Variants in PCDHGA7 observed in about 807,000 individuals in gnomAD.
The protein encoded by PCDHGA7 is protocadherin gamma subfamily A, 7.
In PCDHGA7, 44 loss-of-function variants were observed where a neutral mutation model predicts 58.3. The observed-to-expected ratio is 0.75, with a 90% CI of 0.59 to 0.97. PCDHGA7 has a LOEUF of 0.97. Ranked by LOEUF, PCDHGA7 falls within the 50% of genes least tolerant of loss-of-function variation. The probability of loss-of-function intolerance (pLI) is 0.00; values close to 1 mark genes in which losing one functional copy is unlikely to be tolerated. For synonymous variants in PCDHGA7, 516 were observed against 504.2 expected, an observed-to-expected ratio of 1.02 and a Z score of -0.31; for missense variants, 1,266 against 1,188.7, an observed-to-expected ratio of 1.06 and a Z score of -0.96.
chr5:141,510,795 G>T (rs994874330), intron 3 of PCDHGA7, 152 bp from the exon 4 acceptor site: 6 of 1,465,214 alleles, frequency 4.1e-6, no homozygotes. Flanking sequence ...CTTGTGAAGA[G>T]AGACTACCTT....
At chr5:141,449,380 G>C (rs1011160817) in intron 1 of PCDHGA7, among the ~76,000 whole-genome samples, 3 of 151,950 alleles carry the variant, frequency 2.0e-5, no homozygotes, top group African/African-American at 7.3e-5. Flanking sequence ...GCTGAGGCAG[G>C]TGGATTACTT....
chr5:141,500,986 A>G (rs1223940696), intron 2 of PCDHGA7, among the ~76,000 whole-genome samples: 1 of 151,656 alleles, frequency 6.6e-6, no homozygotes, highest in East Asian at 1.9e-4. Flanking sequence ...CTCCTGCCTC[A>G]GCCTCCTGAG....
chr5:141,494,510 C>T (rs1462702765), intron 1 of PCDHGA7, among the ~76,000 whole-genome samples: 1 of 152,156 alleles, frequency 6.6e-6, no homozygotes, highest in Non-Finnish European at 1.5e-5. Context: ...TGAATTTTGG[C>T]TCAGGAGTTC....
intron 1 of PCDHGA7, chr5:141,399,557 T>TG: frequency 1.2e-6 from 2 of 1,613,968 alleles, no homozygotes; most frequent in Non-Finnish European, 1.7e-6. Context: ...GACCTGGACT[T>TG]GGGGTTGAAC....
chr5:141,404,525 T>G, intron 1 of PCDHGA7: 1 of 1,613,796 alleles, frequency 6.2e-7, no homozygotes, highest in South Asian at 1.1e-5. Flanking sequence ...CTATGAGCAG[T>G]TTAGAGATTT....
intron 1 of PCDHGA7, chr5:141,389,914 C>T (rs754458764): frequency 6.2e-7 from 1 of 1,613,956 alleles, no homozygotes; most frequent in South Asian, 1.1e-5. Flanking sequence ...ACTGACCGCC[C>T]CGACCCCTCT....
intron 1 of PCDHGA7, among the ~76,000 whole-genome samples, chr5:141,446,827 C>A (rs922071842): frequency 6.6e-6 from 1 of 152,114 alleles, no homozygotes; most frequent in Non-Finnish European, 1.5e-5. Context: ...TGGGTAGATC[C>A]TTATAAGGCT....
intron 1 of PCDHGA7, chr5:141,420,083 A>C (rs2096465782): frequency 2.5e-6 from 4 of 1,614,020 alleles, no homozygotes; most frequent in Non-Finnish European, 3.4e-6. Context: ...GGGTCCCCCC[A>C]ACTACAGTGA....
chr5:141,404,200 A>C, intron 1 of PCDHGA7: 1 of 1,613,696 alleles, frequency 6.2e-7, no homozygotes, highest in Non-Finnish European at 8.5e-7. Context: ...AAAAAGCCTC[A>C]GAATATAATA....
intron 1 of PCDHGA7, chr5:141,408,627 T>A: frequency 6.2e-7 from 1 of 1,613,916 alleles, no homozygotes; most frequent in Admixed American, 1.7e-5. Flanking sequence ...CATTTAGAAA[T>A]TTTCGAATCT....
At chr5:141,450,982 A>G (rs746572732) in intron 1 of PCDHGA7, among the ~76,000 whole-genome samples, 18 of 151,360 alleles carry the variant, frequency 1.2e-4, no homozygotes, top group Non-Finnish European at 1.9e-4. Context: ...GTGCCACCAC[A>G]CCCGGCTAAT....
chr5:141,501,164 G>C (rs991995325), intron 2 of PCDHGA7, among the ~76,000 whole-genome samples: 32 of 152,144 alleles, frequency 2.1e-4, no homozygotes, highest in African/African-American at 7.7e-4. Context: ...ACCATCCCCA[G>C]CCTCATTTAC....
chr5:141,506,935 G>A (rs1375246477), intron 3 of PCDHGA7, among the ~76,000 whole-genome samples: 3 of 152,116 alleles, frequency 2.0e-5, no homozygotes, highest in African/African-American at 7.2e-5. Context: ...AACTTTAGGG[G>A]CCTCCTGTCA....
rs376773009 is a variant in PCDHGA7, at chr5:141,511,838, C to T, written c.*665C>T. 64 of 156,854 alleles carry T rather than the reference C, an allele frequency of 4.1e-4. No homozygotes were observed. Among genetic ancestry groups the T allele is most frequent in the Non-Finnish European group, 6.8e-4 (48 of 70,726 alleles). The allele number at this position is 156,854 out of a possible 1,614,324, so 9.7% of individuals were successfully genotyped here. A position where few individuals can be genotyped will look rare whatever the true frequency, so the allele number is the denominator to read the frequency against. ...TCTTCCCAACGCCCTGGGGACCAGTCTTCTGTTTTGTTTTTCATTGTTTGA... is the reference window on the plus strand; with the variant it reads ...TCTTCCCAACGCCCTGGGGACCAGTTTTCTGTTTTGTTTTTCATTGTTTGA... On this transcript the variant is annotated 3_prime_UTR_variant, in exon 4 of 4. Transcript: ENST00000518325.
chr5:141,452,748 A>G (rs2098748275), intron 1 of PCDHGA7, among the ~76,000 whole-genome samples: 1 of 152,058 alleles, frequency 6.6e-6, no homozygotes, highest in Admixed American at 6.6e-5. Flanking sequence ...GAGAGAAGGA[A>G]GAAGGAAGGG....
chr5:141,476,054 A>T lies in PCDHGA7; in HGVS notation c.2425-18753A>T. The T allele has an allele frequency of 3.3e-6, 5 of 1,504,982 alleles. No homozygotes were observed. The highest frequency in any genetic ancestry group is 4.4e-6 in the Non-Finnish European group (5 of 1,134,040). 93.2% of individuals were successfully genotyped at this position (1,504,982 alleles called of 1,614,324 possible). A position where few individuals can be genotyped will look rare whatever the true frequency, so the allele number is the denominator to read the frequency against. ...AGCGCCCAAGCGCTAACCCGCTGAA[A>T]GTTTCTCAGCGAAATCTCAGGGACG... On this transcript the variant is annotated intron_variant, in intron 1 of 3. Coordinates refer to ENST00000518325, the MANE Select transcript of PCDHGA7 (RefSeq NM_018920.4). The surrounding 1 kb of genome is among the most constrained non-coding windows in gnomAD (Gnocchi z 7.6).
rs200317374 is a variant in PCDHGA7, at chr5:141,408,395, A to C, written c.2424+23072A>C. 29 of 1,613,856 alleles carry C rather than the reference A, an allele frequency of 1.8e-5. No homozygotes were observed. The South Asian group carries it at 3.0e-4, about 16-fold the overall frequency. On this transcript the variant is annotated intron_variant, in intron 1 of 3. Transcript: ENST00000518325. ...CAGTGTCCTGGATGTGTCGGCTCGC[A>C]AGCTGCGAGTGAGCGCGGAGAAGCT...
chr5:141,451,745 G>T (rs562443882), intron 1 of PCDHGA7, among the ~76,000 whole-genome samples: 36 of 152,242 alleles, frequency 2.4e-4, no homozygotes, highest in Middle Eastern at 3.4e-3. Context: ...AGCTGGTCTG[G>T]TGGTGCATGC....
At chr5:141,501,329 ACACAC>A (rs1562200854) in intron 2 of PCDHGA7, among the ~76,000 whole-genome samples, 2 of 148,226 alleles carry the variant, frequency 1.3e-5, no homozygotes, top group Non-Finnish European at 3.0e-5. Flanking sequence ...ACACACACAC[ACACAC>A]CCCAAACTCA....
Sources: allele counts gnomAD v4.1 joint callset (sites outside exome capture counted in the v4.1 genomes callset), GRCh38; gene constraint gnomAD v4.1.1; non-coding constraint Gnocchi (gnomAD v3.1); transcripts MANE v1.5; gene names NCBI Gene and HGNC (gene_info 2026-07-23, HGNC 2026-07-21).